Variants in PTPRF observed in about 807,000 individuals in gnomAD.
PTPRF encodes the protein receptor-type tyrosine-protein phosphatase F.
A neutral mutation model predicts 201.8 loss-of-function variants in PTPRF; 59 were observed. The observed-to-expected ratio is 0.29, with a 90% CI of 0.24 to 0.36. The LOEUF is 0.36. Ranked by LOEUF, PTPRF falls within the 10% of genes least tolerant of loss-of-function variation. The probability of loss-of-function intolerance (pLI) is 1.00; values close to 1 mark genes in which losing one functional copy is unlikely to be tolerated. For synonymous variants in PTPRF, 1,088 were observed against 1,089.7 expected (o/e 1.00, Z 0.03); for missense variants, 2,132 against 2,690.5 (o/e 0.79, Z 4.59).
At chr1:43,558,305 G>A (rs1645533735) in intron 5 of PTPRF, among the ~76,000 whole-genome samples, 1 of 152,154 alleles carries the variant, frequency 6.6e-6, no homozygotes, top group Non-Finnish European at 1.5e-5. Context: ...CCTGCAGTCT[G>A]TTCTGTGCCC....
At chr1:43,586,382 A>G (rs942854271) in intron 7 of PTPRF, among the ~76,000 whole-genome samples, 2 of 152,208 alleles carry the variant, frequency 1.3e-5, no homozygotes, top group African/African-American at 2.4e-5. Context: ...GAGCAGAGGG[A>G]GGGCATGCAC....
chr1:43,561,424 A>G (rs1455818272), intron 5 of PTPRF, among the ~76,000 whole-genome samples: 1 of 152,142 alleles, frequency 6.6e-6, no homozygotes, highest in African/African-American at 2.4e-5. Flanking sequence ...TATTGCAGGC[A>G]CAAGATGGCT....
rs544355533 is a variant in PTPRF at position 43,622,165 on chromosome 1, A to G, written c.*162A>G. The G allele has an allele frequency of 1.3e-5, 9 of 719,414 alleles. No individual in the cohort carries two copies. Among genetic ancestry groups the G allele is most frequent in the African/African-American group, 7.0e-5 (4 of 57,182 alleles). 44.6% of individuals were successfully genotyped at this position (719,414 alleles called of 1,614,324 possible). ...GCGTTTCAGGAACGTTGCCACACCA[A>G]TCAGAGAGCCTAGAACATCCCTGGG... On this transcript the variant is annotated 3_prime_UTR_variant, in exon 34 of 34. Transcript: ENST00000359947.
upstream of PTPRF, among the ~76,000 whole-genome samples, chr1:43,522,452 G>T (rs1642985296): frequency 1.3e-5 from 2 of 152,122 alleles, no homozygotes; most frequent in Non-Finnish European, 2.9e-5. Flanking sequence ...ACATTTACTG[G>T]GTAGTGACTG....
intron 11 of PTPRF, 122 bp downstream of exon 11, chr1:43,592,723 A>T (rs575174347): frequency 5.0e-6 from 6 of 1,203,790 alleles, no homozygotes; most frequent in Non-Finnish European, 6.6e-6. Context: ...GCCAAACCGA[A>T]CTCTGGCCTG....
Position 43,609,486 on chromosome 1 carries a change from T to C in PTPRF, c.3961T>C (p.Tyr1321His). 6.2e-7 allele frequency: 1 copy of C among 1,613,610 alleles called. No homozygotes were observed. Among genetic ancestry groups the C allele is most frequent in the South Asian group, 1.1e-5 (1 of 90,960 alleles). ...CCCTGTGGAGATGCGGAGGCTCAAC[T>C]ACCAGACCCCAGGTAGGGCACTCCT... is the stretch of plus-strand genomic sequence containing the variant. ...SDPVEMRRLNYQTPGMRDHPP... is the reference protein window; with the variant it reads ...SDPVEMRRLNHQTPGMRDHPP... Residue 1321 changes from tyrosine (Y) to histidine (H), a missense_variant, in exon 22 of 34, where the codon TAC becomes CAC. This residue lies in a region of PTPRF where 818 missense variants were observed against 915.3 expected (regional missense o/e 0.89). Coordinates refer to ENST00000359947, the MANE Select transcript of PTPRF (RefSeq NM_002840.5).
At chr1:43,529,600 C>G (rs904865082), upstream of PTPRF, among the ~76,000 whole-genome samples, 1 of 151,650 alleles carries the variant, frequency 6.6e-6, no homozygotes, top group Admixed American at 6.6e-5. Flanking sequence ...GTAGGTCCCC[C>G]ATCCTTCATG....
chr1:43,526,895 C>G (rs991059950), upstream of PTPRF, among the ~76,000 whole-genome samples: 1 of 152,188 alleles, frequency 6.6e-6, no homozygotes, highest in African/African-American at 2.4e-5. Flanking sequence ...ATCCTTCCAC[C>G]TTTCTCTGCA....
At chr1:43,549,153 C>T (rs937875432) in intron 3 of PTPRF, among the ~76,000 whole-genome samples, 6 of 152,200 alleles carry the variant, frequency 3.9e-5, no homozygotes, top group Admixed American at 6.5e-5. Flanking sequence ...GGCCAGGTGG[C>T]AGTGGGTAAC....
At chr1:43,619,622 G>C in intron 28 of PTPRF, 49 bp downstream of exon 28, 1 of 1,610,196 alleles carries the variant, frequency 6.2e-7, no homozygotes, top group Non-Finnish European at 8.5e-7. Flanking sequence ...ACTGGGTCAT[G>C]CAGATGACCC....
At chr1:43,578,406 C>G (rs1384421171) in intron 6 of PTPRF, among the ~76,000 whole-genome samples, 1 of 152,200 alleles carries the variant, frequency 6.6e-6, no homozygotes, top group Non-Finnish European at 1.5e-5. Flanking sequence ...CGCCAGTCTG[C>G]AGGCTGCTCC....
At chr1:43,618,933 G>A in intron 26 of PTPRF, 115 bp from the exon 27 acceptor site, 3 of 1,467,590 alleles carry the variant, frequency 2.0e-6, no homozygotes, top group Admixed American at 3.6e-5. Context: ...TACTCTGTGT[G>A]GCTTCTGAGT....
rs568750333 is a variant in PTPRF at position 43,570,842 on chromosome 1, C to T, written c.568+1064C>T. ...CTCAACAAGATGGAGGCAGCTGTAG[C>T]GCAGTTAATTAAAACAGCCATAATC... On this transcript the variant is annotated intron_variant, in intron 6 of 33. Transcript: ENST00000359947. 2.6e-5 allele frequency among the ~76,000 whole-genome samples: 4 copies of T among 152,366 alleles called. No homozygotes were observed. In the South Asian group the frequency reaches 6.2e-4, roughly 24 times the overall value.
At chr1:43,576,593 G>T (rs149999474) in intron 6 of PTPRF, among the ~76,000 whole-genome samples, 75 of 152,314 alleles carry the variant, frequency 4.9e-4, no homozygotes, top group African/African-American at 1.8e-3. Flanking sequence ...ACAGATTCTG[G>T]ACTCAGGAAG....
chr1:43,578,074 C>T (rs532818177), intron 6 of PTPRF, among the ~76,000 whole-genome samples: 1 of 152,370 alleles, frequency 6.6e-6, no homozygotes, highest in South Asian at 2.1e-4. Context: ...GCTACCCACC[C>T]CGATCCTGGC....
At chr1:43,564,083 C>A (rs907259972) in intron 5 of PTPRF, among the ~76,000 whole-genome samples, 2 of 152,198 alleles carry the variant, frequency 1.3e-5, no homozygotes, top group Non-Finnish European at 2.9e-5. Flanking sequence ...TTGATGAAAT[C>A]TGAGTGCTGG....
chr1:43,591,697 T>G, intron 9 of PTPRF, 115 bp from the exon 10 acceptor site: 1 of 1,463,964 alleles, frequency 6.8e-7, no homozygotes, highest in Non-Finnish European at 9.2e-7. Context: ...GTGTGGTCAG[T>G]TGGGATGTAG....
Position 43,606,272 on chromosome 1 carries a change from G to A in PTPRF, c.3516G>A (p.Glu1172=). 2 of 1,613,730 alleles carry A rather than the reference G, an allele frequency of 1.2e-6. No individual in the cohort carries two copies. The highest frequency in any genetic ancestry group is 1.7e-6 in the Non-Finnish European group (2 of 1,179,924). ...AAGCCATCGAGCAAGGCGGAGAGGAGCAGCGGCGGCGGCGGCGGCAGGCAG... is the reference window on the plus strand; with the variant it reads ...AAGCCATCGAGCAAGGCGGAGAGGAACAGCGGCGGCGGCGGCGGCAGGCAG... ...LLEAIEQGGE[E]QRRRRRQAER... Residue 1172 remains glutamate, a synonymous_variant, in exon 20 of 34, where the codon GAG becomes GAA. Coordinates refer to ENST00000359947, the MANE Select transcript of PTPRF (RefSeq NM_002840.5).
chr1:43,595,359 C>T (rs1323686257), intron 11 of PTPRF, among the ~76,000 whole-genome samples: 15 of 152,008 alleles, frequency 9.9e-5, no homozygotes, highest in Admixed American at 9.2e-4. Context: ...GGTTTATAGG[C>T]GTGCCCGCCA....
Sources: gnomAD v4.1 joint callset for allele counts (sites outside exome capture counted in the v4.1 genomes callset) on GRCh38, gnomAD v4.1.1 for gene constraint, gnomAD v4.1.1 regional missense constraint, MANE v1.5 for transcripts, NCBI Gene and HGNC (gene_info 2026-07-23, HGNC 2026-07-21) for gene names.